Variants in NDUFAF6 observed in about 807,000 individuals in gnomAD.
NDUFAF6 encodes NADH dehydrogenase (ubiquinone) complex I, assembly factor 6.
NDUFAF6 carries 45 observed loss-of-function variants against 40.8 expected under a neutral mutation model. The ratio of observed to expected loss-of-function variants is 1.10; its 90% confidence interval spans 0.87 to 1.42. NDUFAF6 has a LOEUF of 1.42. Among genes scored for constraint, NDUFAF6 ranks in the 40% most tolerant of loss-of-function variants. The pLI is 0.00. For missense variants in NDUFAF6, 435 were observed against 418.5 expected (o/e 1.04, Z -0.34); for synonymous variants, 185 against 155.9 (o/e 1.19, Z -1.39).
upstream of NDUFAF6, among the ~76,000 whole-genome samples, chr8:95,022,200 A>T (rs1827718639): frequency 6.6e-6 from 1 of 152,184 alleles, no homozygotes; most frequent in Non-Finnish European, 1.5e-5. Context: ...TTTTCCATAC[A>T]TTAGGTATAA....
At chr8:94,983,256 CTTTTTTTTTTTTTT>C (rs1173077785) in intron 2 of NDUFAF6, among the ~76,000 whole-genome samples, 1 of 83,186 alleles carries the variant, frequency 1.2e-5, no homozygotes, top group African/African-American at 4.8e-5. Flanking sequence ...CTTTGCTATT[CTTTTTTTTTTTTTT>C]TTTTTTTTTT....
intron 2 of NDUFAF6, among the ~76,000 whole-genome samples, chr8:94,952,574 A>T (rs1822714376): frequency 6.6e-6 from 1 of 152,186 alleles, no homozygotes; most frequent in Admixed American, 6.5e-5. Context: ...GGAAGAAAGG[A>T]TCTGACTGGG....
chr8:95,108,960 A>T (rs990894064), intron 4 of NDUFAF6, among the ~76,000 whole-genome samples: 2 of 152,224 alleles, frequency 1.3e-5, no homozygotes, highest in African/African-American at 4.8e-5. Context: ...AATAGAGTGG[A>T]TGTAGCAACA....
upstream of NDUFAF6, among the ~76,000 whole-genome samples, chr8:95,024,372 A>G (rs180958662): frequency 6.6e-5 from 10 of 152,364 alleles, no homozygotes; most frequent in East Asian, 1.9e-3. Context: ...GGGAGAAAAA[A>G]GTCAGCAAGC....
chr8:94,961,488 C>T (rs972930779), intron 1 of NDUFAF6, among the ~76,000 whole-genome samples: 2 of 152,240 alleles, frequency 1.3e-5, no homozygotes, highest in Non-Finnish European at 2.9e-5. Flanking sequence ...GTGCCACCAT[C>T]TCAGCTCACT....
intron 2 of NDUFAF6, among the ~76,000 whole-genome samples, chr8:94,986,541 A>G (rs1428873011): frequency 5.9e-5 from 9 of 152,380 alleles, no homozygotes; most frequent in South Asian, 2.1e-4. Flanking sequence ...AAAATTTTTC[A>G]TCTGAACTGT....
chr8:95,045,190 T>A (rs1830595296), intron 4 of NDUFAF6, among the ~76,000 whole-genome samples: 1 of 152,164 alleles, frequency 6.6e-6, no homozygotes, highest in Non-Finnish European at 1.5e-5. Flanking sequence ...GGGGGTTGTT[T>A]GGGTTAAGAA....
At chr8:94,903,558 C>T (rs577344990) in intron 1 of NDUFAF6, among the ~76,000 whole-genome samples, 3 of 152,230 alleles carry the variant, frequency 2.0e-5, no homozygotes, top group Admixed American at 1.3e-4. Context: ...TACATACTTA[C>T]GCAGTAATAG....
At position 95,045,573 on chromosome 8, in the gene NDUFAF6, G is replaced by T. The variant is rs576681448; in HGVS notation, c.506G>T (p.Arg169Leu). Residue 169 changes from arginine to leucine, a missense_variant, in exon 5 of 9, where the codon CGT becomes CTT. By Grantham distance (102) the Arg-to-Leu change is moderately radical. Coordinates refer to ENST00000396124, the MANE Select transcript of NDUFAF6 (RefSeq NM_152416.4). ...AAAAATCTGGATGACAAAGCATATC[G>T]TAATATCAAGGAACTGGAAAATTAT... ...REKNLDDKAY[R>L]NIKELENYAE... 1.4e-5 allele frequency: 22 copies of T among 1,613,220 alleles called. No individual in the cohort carries two copies. The East Asian group carries it at 4.2e-4, about 31-fold the overall frequency.
At chr8:94,905,126 G>A (rs751542575) in intron 1 of NDUFAF6, among the ~76,000 whole-genome samples, 28 of 152,142 alleles carry the variant, frequency 1.8e-4, no homozygotes, top group Non-Finnish European at 3.8e-4. Flanking sequence ...CTTGAATCTA[G>A]GAGGCAGAGG....
intron 2 of NDUFAF6, among the ~76,000 whole-genome samples, chr8:95,010,953 C>T (rs1164909381): frequency 6.6e-6 from 1 of 152,200 alleles, no homozygotes; most frequent in Non-Finnish European, 1.5e-5. Flanking sequence ...GCCAGGGGAG[C>T]CGTGAGCACA....
intron 2 of NDUFAF6, chr8:95,085,683 A>AAAAAG (rs3080591): frequency 6.6e-6 from 1 of 151,272 alleles, no homozygotes; most frequent in Non-Finnish European, 1.5e-5. Context: ...AAAAAAAAAA[A>AAAAAG]TTTTAAGAGA....
intron 1 of NDUFAF6, among the ~76,000 whole-genome samples, chr8:94,972,420 G>A (rs931998883): frequency 6.6e-6 from 1 of 151,954 alleles, no homozygotes; most frequent in Non-Finnish European, 1.5e-5. Flanking sequence ...TGTATTTTTA[G>A]TAGATATGGG....
intron 2 of NDUFAF6, among the ~76,000 whole-genome samples, chr8:94,952,939 A>G (rs1448989391): frequency 6.6e-6 from 1 of 152,250 alleles, no homozygotes; most frequent in African/African-American, 2.4e-5. Flanking sequence ...CCTGCGCTGG[A>G]TTGTAACTAA....
chr8:95,104,300 A>T (rs146973845), downstream of NDUFAF6, among the ~76,000 whole-genome samples: 615 of 152,344 alleles, frequency 4.0e-3, 6 homozygotes, highest in African/African-American at 0.014. Flanking sequence ...TTCCGTGGAA[A>T]TAATCAGTTG....
chr8:94,915,472 GAC>G (rs1819069146), intron 1 of NDUFAF6, among the ~76,000 whole-genome samples: 2 of 152,132 alleles, frequency 1.3e-5, no homozygotes, highest in South Asian at 4.1e-4. Flanking sequence ...GTCCACTTTT[GAC>G]GGTCATCTAG....
intron 1 of NDUFAF6, among the ~76,000 whole-genome samples, chr8:94,905,906 T>A (rs1216068097): frequency 6.6e-6 from 1 of 152,200 alleles, no homozygotes; most frequent in African/African-American, 2.4e-5. Flanking sequence ...CAATGTGAAA[T>A]TTGTAAACTT....
chr8:95,012,632 ACT>A (rs34903476), intron 2 of NDUFAF6, among the ~76,000 whole-genome samples: 20,824 of 146,140 alleles, frequency 0.14, 1,457 homozygotes, highest in Middle Eastern at 0.26. Flanking sequence ...CAACAGCAAG[ACT>A]CTGTCTCTAA....
chr8:95,019,754 TA>T (rs1307927448), intron 2 of NDUFAF6, among the ~76,000 whole-genome samples: 30 of 152,360 alleles, frequency 2.0e-4, no homozygotes, highest in African/African-American at 7.2e-4. Flanking sequence ...ATATGCCACC[TA>T]ATAGGTATTT....
Sources: allele counts gnomAD v4.1 joint callset (sites outside exome capture counted in the v4.1 genomes callset), GRCh38; gene constraint gnomAD v4.1.1; transcripts MANE v1.5; gene names NCBI Gene and HGNC (gene_info 2026-07-23, HGNC 2026-07-21).